Variants in PLXDC1 observed in about 807,000 individuals in gnomAD.
PLXDC1 encodes plexin domain-containing protein 1.
In PLXDC1, 39 loss-of-function variants were observed where a neutral mutation model predicts 61.3. The observed-to-expected ratio is 0.64, with a 90% confidence interval of 0.49 to 0.83. PLXDC1 has a LOEUF of 0.83. Among genes scored for constraint, PLXDC1 ranks in the 40% least tolerant of loss-of-function variants. PLXDC1 has a pLI of 0.00. For synonymous variants in PLXDC1, 212 were observed against 254.5 expected (o/e 0.83, Z 1.59); for missense variants, 596 against 666.5 (o/e 0.89, Z 1.17).
At chr17:39,087,556 T>G (rs748902689) in intron 8 of PLXDC1, 51 bp downstream of exon 8, 4 of 1,390,724 alleles carry the variant, frequency 2.9e-6, no homozygotes, top group Non-Finnish European at 4.1e-6. Context: ...ATGAAGCCAG[T>G]CTGCTTGACT....
At chr17:39,131,991 C>T (rs1404512168) in intron 2 of PLXDC1, 1 of 152,666 alleles carries the variant, frequency 6.6e-6, no homozygotes, top group Admixed American at 6.5e-5. Context: ...CCCTCGCATT[C>T]CTGGGGCCTG....
intron 7 of PLXDC1, among the ~76,000 whole-genome samples, chr17:39,095,122 G>A (rs1183184663): frequency 6.6e-6 from 1 of 152,054 alleles, no homozygotes; most frequent in Non-Finnish European, 1.5e-5. Flanking sequence ...CATCCGGGCT[G>A]GGGGGCAGAG....
At chr17:39,092,215 C>G (rs1169610674) in intron 7 of PLXDC1, among the ~76,000 whole-genome samples, 3 of 151,778 alleles carry the variant, frequency 2.0e-5, no homozygotes, top group Admixed American at 6.6e-5. Flanking sequence ...GCTGGTATTA[C>G]AGGCACACCC....
intron 2 of PLXDC1, among the ~76,000 whole-genome samples, chr17:39,132,819 AGG>A (rs1421609456): frequency 6.6e-6 from 1 of 151,990 alleles, no homozygotes; most frequent in African/African-American, 2.4e-5. Flanking sequence ...GGGTTTGTGT[AGG>A]GGGAGGCAAA....
At position 39,087,664 on chromosome 17, in the gene PLXDC1, C is replaced by T; in HGVS notation, c.850G>A (p.Glu284Lys). 6 of 1,614,082 alleles carry T rather than the reference C, an allele frequency of 3.7e-6. No individual in the cohort carries two copies. The highest frequency in any genetic ancestry group is 5.1e-6 in the Non-Finnish European group (6 of 1,180,004). Residue 284 changes from glutamate (E) to lysine (K), a missense_variant, in exon 8 of 14, where the codon GAG (glutamate) becomes AAG (lysine). Coordinates refer to ENST00000315392, the MANE Select transcript of PLXDC1 (RefSeq NM_020405.5). ...RRSIFEYHRIELDPSKVTSMS... is the reference protein window; with the variant it reads ...RRSIFEYHRIKLDPSKVTSMS... ...CTGGTGACCTTGCTGGGGTCCAGCT[C>T]TATGCGGTGATATTCAAAGATGCTC...
intron 7 of PLXDC1, 121 bp downstream of exon 7, chr17:39,105,733 T>C: frequency 1.6e-6 from 1 of 633,378 alleles, no homozygotes; most frequent in Non-Finnish European, 2.8e-6. Context: ...CTGCCTGGTT[T>C]CCCTCTCAAC....
At chr17:39,092,967 AC>A (rs1910010723) in intron 7 of PLXDC1, among the ~76,000 whole-genome samples, 2 of 152,108 alleles carry the variant, frequency 1.3e-5, no homozygotes, top group African/African-American at 4.8e-5. Flanking sequence ...GTTGCCTCTC[AC>A]CCAGCTGCAT....
chr17:39,112,763 G>A (rs1169978315), intron 2 of PLXDC1, among the ~76,000 whole-genome samples: 2 of 152,112 alleles, frequency 1.3e-5, no homozygotes, highest in East Asian at 3.9e-4. Flanking sequence ...GGTGGGGGTA[G>A]GGGGACTGGT....
At chr17:39,142,439 G>A (rs900988102) in intron 1 of PLXDC1, among the ~76,000 whole-genome samples, 1 of 152,176 alleles carries the variant, frequency 6.6e-6, no homozygotes. Flanking sequence ...AGGCCATTTC[G>A]CGGCCATGCG....
intron 2 of PLXDC1, among the ~76,000 whole-genome samples, chr17:39,134,122 C>T (rs1045512841): frequency 2.0e-5 from 3 of 152,054 alleles, no homozygotes; most frequent in African/African-American, 7.2e-5. Flanking sequence ...GGCGTGGTGG[C>T]AGGCGCCTGT....
chr17:39,104,004 G>A (rs963118927), intron 7 of PLXDC1, among the ~76,000 whole-genome samples: 2 of 152,126 alleles, frequency 1.3e-5, no homozygotes, highest in African/African-American at 4.8e-5. Context: ...GTGCTGTGGC[G>A]GCATCTGACC....
rs749255686 is a variant in PLXDC1 at position 39,077,931 on chromosome 17, C to T, written c.1168G>A (p.Asp390Asn). 50 of 1,613,890 alleles carry T rather than the reference C, an allele frequency of 3.1e-5. No homozygotes were observed. Among genetic ancestry groups the T allele is most frequent in the East Asian group, 8.9e-5 (4 of 44,892 alleles). ...AACTTACCTTCTGTGGTGAGGCTGT[C>T]GATGAAGAGGGAGGAGGAGGTAGTG... The part of the protein sequence containing the change: ...LTTTSSSLFI[D>N]SLTTEDDTKL... The change falls in exon 11 of 14, where the codon GAC becomes AAC. Residue 390 changes from aspartate to asparagine, a missense_variant. By Grantham distance (23) the Asp-to-Asn change is conservative. Coordinates refer to ENST00000315392, the MANE Select transcript of PLXDC1 (RefSeq NM_020405.5).
At chr17:39,094,860 C>T (rs2143555548) in intron 7 of PLXDC1, among the ~76,000 whole-genome samples, 1 of 152,314 alleles carries the variant, frequency 6.6e-6, no homozygotes, top group East Asian at 1.9e-4. Context: ...GACATGCCGC[C>T]TCCTAAGCTA....
At chr17:39,150,550 CTA>C (rs2045366116) in intron 1 of PLXDC1, among the ~76,000 whole-genome samples, 2 of 152,246 alleles carry the variant, frequency 1.3e-5, no homozygotes, top group Non-Finnish European at 2.9e-5. Context: ...AGAACAGAGA[CTA>C]TGAAAATTAT....
chr17:39,146,136 T>C (rs2045341091), intron 1 of PLXDC1, among the ~76,000 whole-genome samples: 1 of 150,766 alleles, frequency 6.6e-6, no homozygotes. Context: ...ATTGGTGTGA[T>C]CTCAGCTCCC....
intron 8 of PLXDC1, among the ~76,000 whole-genome samples, chr17:39,086,858 T>TAAAAAAAAAAA: frequency 1.9e-4 from 1 of 5,390 alleles, no homozygotes. Flanking sequence ...TGAGACTGTC[T>TAAAAAAAAAAA]CAAAAAAAAA....
chr17:39,073,376 GA>G (rs1470716320), intron 11 of PLXDC1: 4 of 152,188 alleles, frequency 2.6e-5, no homozygotes, highest in African/African-American at 9.7e-5. Context: ...ACTGCAAATT[GA>G]AAACAATGAA....
intron 7 of PLXDC1, among the ~76,000 whole-genome samples, chr17:39,101,694 C>T (rs896818085): frequency 4.6e-5 from 7 of 152,104 alleles, no homozygotes; most frequent in Non-Finnish European, 7.4e-5. Flanking sequence ...AACCATAAGC[C>T]GGGACCACCC....
chr17:39,098,037 C>T lies in PLXDC1; in HGVS notation c.811+7817G>A, dbSNP rs547183521. On this transcript the variant is annotated intron_variant, in intron 7 of 13. Coordinates refer to ENST00000315392, the MANE Select transcript of PLXDC1 (RefSeq NM_020405.5). ...TGGCCAACATGGTGAAACCCCGTCT[C>T]TGCTAAAAAATACAAAAATTAGTCA... Among the ~76,000 whole-genome samples the T allele has an allele frequency of 1.6e-4, 24 of 151,638 alleles. No individual in the cohort carries two copies. The East Asian group carries it at 3.9e-3, about 25-fold the overall frequency.
Sources: gnomAD v4.1 joint callset for allele counts (sites outside exome capture counted in the v4.1 genomes callset) on GRCh38, gnomAD v4.1.1 for gene constraint, MANE v1.5 for transcripts, NCBI Gene and HGNC (gene_info 2026-07-23, HGNC 2026-07-21) for gene names.